ANXA2: variants seen among roughly 807,000 people sequenced by gnomAD.
The protein encoded by ANXA2 is annexin II.
In ANXA2, 28 loss-of-function variants were observed where a neutral mutation model predicts 47.3. The observed-to-expected ratio is 0.59, with a 90% confidence interval of 0.44 to 0.81. The LOEUF (loss-of-function observed/expected upper bound fraction) is 0.81, where lower values mean the gene tolerates loss of function less well. Ranked by LOEUF, ANXA2 falls within the 40% of genes least tolerant of loss-of-function variation. The pLI, the probability that ANXA2 is intolerant of heterozygous loss-of-function variation, is 0.00. For missense variants in ANXA2, 384 were observed against 414.3 expected (o/e 0.93, Z 0.64); for synonymous variants, 172 against 155.5 (o/e 1.11, Z -0.79).
At position 60,386,092 on chromosome 15, in the gene ANXA2, A is replaced by G. The variant is rs571110331; in HGVS notation, c.-11-6T>C. ...AGTAGACATTTTGAAGGAAGCTGGA[A>G]AAAAAGTACAACAAAAAGTCTTTAT... On this transcript the variant is annotated splice_region_variant and splice_polypyrimidine_tract_variant and intron_variant, in intron 1 of 12. Transcript: ENST00000451270. 6.2e-7 allele frequency: 1 copy of G among 1,607,170 alleles called. No individual in the cohort carries two copies. The highest frequency in any genetic ancestry group is 2.2e-5 in the East Asian group (1 of 44,824).
intron 4 of ANXA2, among the ~76,000 whole-genome samples, chr15:60,363,427 G>A (rs1042976231): frequency 3.3e-5 from 5 of 152,200 alleles, no homozygotes; most frequent in Admixed American, 2.6e-4. Context: ...CCCAAGGGCA[G>A]AAATATCTCT....
At chr15:60,392,795 G>C (rs899842840) in intron 1 of ANXA2, among the ~76,000 whole-genome samples, 4 of 152,220 alleles carry the variant, frequency 2.6e-5, no homozygotes, top group African/African-American at 7.2e-5. Context: ...CAACCATGGT[G>C]AATCAATCAG....
intron 1 of ANXA2, among the ~76,000 whole-genome samples, chr15:60,397,691 C>G (rs2140953910): frequency 6.6e-6 from 1 of 151,928 alleles, no homozygotes; most frequent in East Asian, 2.0e-4. Context: ...GAAGCCCGAC[C>G]CCCCACCACC....
intron 1 of ANXA2, chr15:60,397,739 C>A: frequency 1.5e-6 from 1 of 688,946 alleles, no homozygotes; most frequent in East Asian, 3.9e-5. Context: ...GCCGGTGGCC[C>A]CTCACCCCTG....
intron 3 of ANXA2, among the ~76,000 whole-genome samples, chr15:60,365,897 G>C (rs950305210): frequency 1.7e-5 from 2 of 117,468 alleles, no homozygotes; most frequent in African/African-American, 3.3e-5. Context: ...CTCTGATGCC[G>C]AGCCAAAGCT....
At chr15:60,374,347 T>G (rs1334341500) in intron 3 of ANXA2, 1 of 398,348 alleles carries the variant, frequency 2.5e-6, no homozygotes, top group Admixed American at 3.2e-5. Flanking sequence ...ATGCATAAAA[T>G]GCAAGCCCTG....
At chr15:60,386,110 GTCTT>G (rs768862323) in intron 1 of ANXA2, 24 bp from the exon 2 acceptor site, 1 of 1,573,242 alleles carries the variant, frequency 6.4e-7, no homozygotes, top group Admixed American at 1.7e-5. Context: ...ACAACAAAAA[GTCTT>G]TATGAAGAGG....
intron 1 of ANXA2, among the ~76,000 whole-genome samples, chr15:60,392,762 G>A (rs1014720491): frequency 5.3e-5 from 8 of 152,204 alleles, no homozygotes; most frequent in Non-Finnish European, 1.0e-4. Context: ...GTGTTGATGC[G>A]TTACCGCAAA....
intron 5 of ANXA2, among the ~76,000 whole-genome samples, chr15:60,360,069 C>T (rs2062491195): frequency 6.6e-6 from 1 of 152,128 alleles, no homozygotes; most frequent in Non-Finnish European, 1.5e-5. Context: ...CCAGCCTGAC[C>T]AACATGGAGA....
intron 4 of ANXA2, among the ~76,000 whole-genome samples, chr15:60,361,832 TTCC>T (rs936461761): frequency 7.2e-5 from 11 of 152,174 alleles, no homozygotes; most frequent in Admixed American, 5.9e-4. Context: ...TTAGCGATGC[TTCC>T]TCGAGCTAAA....
chr15:60,365,535 T>A (rs964369381), intron 3 of ANXA2, among the ~76,000 whole-genome samples: 3 of 152,162 alleles, frequency 2.0e-5, no homozygotes, highest in Non-Finnish European at 2.9e-5. Context: ...TGGCTTGGCC[T>A]GAAGAAAATC....
chr15:60,360,116 C>A (rs376667907), intron 5 of ANXA2, among the ~76,000 whole-genome samples: 1 of 152,064 alleles, frequency 6.6e-6, no homozygotes, highest in Non-Finnish European at 1.5e-5. Flanking sequence ...ATTAGCTGGG[C>A]GTAGTGGCGC....
chr15:60,366,975 G>A (rs2062625425), intron 3 of ANXA2, among the ~76,000 whole-genome samples: 1 of 95,436 alleles, frequency 1.0e-5, no homozygotes. Context: ...AGGGAGGTGG[G>A]GGGGTCAGCC....
chr15:60,387,369 T>C (rs1021028542), intron 1 of ANXA2, among the ~76,000 whole-genome samples: 3 of 152,186 alleles, frequency 2.0e-5, no homozygotes, highest in African/African-American at 4.8e-5. Flanking sequence ...CCACCCCAAT[T>C]TGTCCCACCG....
chr15:60,382,229 A>T, intron 3 of ANXA2, 113 bp downstream of exon 3: 1 of 751,874 alleles, frequency 1.3e-6, no homozygotes, highest in Non-Finnish European at 2.4e-6. Context: ...ACTCCATTAA[A>T]GCTCGATGAC....
In ANXA2 at chr15:60,354,214, C is replaced by T; in HGVS notation, c.529-1G>A. ...CAGAGCCATCCTCTGCTCTTCTACC[C>T]TATGGGGGAAAGAAAAAGAACTTCA... On this transcript the variant is annotated splice_acceptor_variant, in intron 7 of 12. Coordinates refer to ENST00000451270, the MANE Select transcript of ANXA2 (RefSeq NM_004039.3). LOFTEE classifies it high-confidence loss of function. The T allele has an allele frequency of 1.9e-6, 3 of 1,606,674 alleles. No homozygotes were observed. Among genetic ancestry groups the T allele is most frequent in the Non-Finnish European group, 2.5e-6 (3 of 1,177,412 alleles).
chr15:60,385,248 T>C (rs2062917048), intron 2 of ANXA2, among the ~76,000 whole-genome samples: 1 of 152,188 alleles, frequency 6.6e-6, no homozygotes, highest in African/African-American at 2.4e-5. Flanking sequence ...AGAGAAAATA[T>C]TTTCCAGGTG....
intron 3 of ANXA2, 21 bp downstream of exon 3, chr15:60,382,321 G>C (rs1595701219): frequency 6.3e-7 from 1 of 1,585,854 alleles, no homozygotes; most frequent in South Asian, 1.1e-5. Context: ...CTGACAAGAA[G>C]AGGACAAATG....
chr15:60,396,168 GA>G (rs1231897354), intron 1 of ANXA2: 1 of 152,024 alleles, frequency 6.6e-6, no homozygotes, highest in Admixed American at 6.6e-5. Flanking sequence ...TTGGACTCAA[GA>G]GATCCACTAG....
Sources: allele counts gnomAD v4.1 joint callset (sites outside exome capture counted in the v4.1 genomes callset), GRCh38; gene constraint gnomAD v4.1.1; transcripts MANE v1.5; gene names NCBI Gene and HGNC (gene_info 2026-07-23, HGNC 2026-07-21).